Variants in ADAMTSL1 observed in about 807,000 individuals in gnomAD.
The protein encoded by ADAMTSL1 is ADAMTS like 1, also known as ADAMTS-like protein 1.
A neutral mutation model predicts 201.8 loss-of-function variants in ADAMTSL1; 126 were observed. The ratio of observed to expected loss-of-function variants is 0.62; its 90% CI spans 0.54 to 0.72. ADAMTSL1 has a LOEUF of 0.72. Ranked by LOEUF, ADAMTSL1 falls within the 30% of genes least tolerant of loss-of-function variation. The pLI, the probability that ADAMTSL1 is intolerant of heterozygous loss-of-function variation, is 0.00. For synonymous variants in ADAMTSL1, 1,121 were observed against 903.4 expected, an observed-to-expected ratio of 1.24 and a Z score of -4.32; for missense variants, 2,679 against 2,277.8, an observed-to-expected ratio of 1.18 and a Z score of -3.59.
chr9:18,834,734 C>A (rs1825206142), intron 23 of ADAMTSL1, among the ~76,000 whole-genome samples: 1 of 152,046 alleles, frequency 6.6e-6, no homozygotes, highest in Non-Finnish European at 1.5e-5. Context: ...GGACTAATGC[C>A]TTTGGGATAT....
chr9:18,881,340 T>C (rs1241452090), intron 23 of ADAMTSL1, among the ~76,000 whole-genome samples: 3 of 152,218 alleles, frequency 2.0e-5, no homozygotes, highest in Non-Finnish European at 4.4e-5. Flanking sequence ...AAGTGAAAGA[T>C]GTACAACTTT....
intron 1 of ADAMTSL1, among the ~76,000 whole-genome samples, chr9:18,159,794 G>C (rs1015381165): frequency 6.6e-6 from 1 of 152,046 alleles, no homozygotes; most frequent in Non-Finnish European, 1.5e-5. Flanking sequence ...GTTGGTGCCA[G>C]GTTATGAACG....
chr9:17,940,023 G>C (rs981964810), intron 1 of ADAMTSL1, among the ~76,000 whole-genome samples: 1 of 152,038 alleles, frequency 6.6e-6, no homozygotes, highest in African/African-American at 2.4e-5. Flanking sequence ...GCATGAGAAA[G>C]GAGGGTGTAT....
intron 2 of ADAMTSL1, among the ~76,000 whole-genome samples, chr9:18,404,513 G>T (rs1359271356): frequency 6.6e-6 from 1 of 152,196 alleles, no homozygotes; most frequent in African/African-American, 2.4e-5. Flanking sequence ...CCTCTGAGGT[G>T]GTGCCCTGTA....
chr9:18,002,210 G>A (rs1273392641), intron 1 of ADAMTSL1, among the ~76,000 whole-genome samples: 4 of 152,036 alleles, frequency 2.6e-5, no homozygotes, highest in Admixed American at 2.6e-4. Flanking sequence ...TAATCTATAG[G>A]AATCTGTGGG....
intron 1 of ADAMTSL1, among the ~76,000 whole-genome samples, chr9:18,477,812 G>A (rs1587325835): frequency 2.0e-5 from 3 of 152,276 alleles, no homozygotes; most frequent in African/African-American, 7.2e-5. Context: ...TAGTGTTTCA[G>A]TGTGTTCAGG....
intron 2 of ADAMTSL1, among the ~76,000 whole-genome samples, chr9:18,247,323 T>C (rs1030365235): frequency 6.6e-6 from 1 of 152,196 alleles, no homozygotes; most frequent in Admixed American, 6.5e-5. Flanking sequence ...ATAGTAGATA[T>C]CATAATAACT....
intron 20 of ADAMTSL1, among the ~76,000 whole-genome samples, chr9:18,807,559 C>T (rs1197300567): frequency 1.3e-5 from 2 of 150,726 alleles, no homozygotes; most frequent in Non-Finnish European, 3.0e-5. Flanking sequence ...GCGGGAGAAC[C>T]GGCGTGAACC....
intron 1 of ADAMTSL1, among the ~76,000 whole-genome samples, chr9:18,141,721 G>A (rs534898965): frequency 7.6e-4 from 115 of 152,136 alleles, no homozygotes; most frequent in Non-Finnish European, 1.4e-3. Flanking sequence ...ATTCCTCACA[G>A]CATCTCCTGT....
chr9:18,542,558 G>T (rs1820214806), intron 3 of ADAMTSL1, among the ~76,000 whole-genome samples: 1 of 152,150 alleles, frequency 6.6e-6, no homozygotes, highest in African/African-American at 2.4e-5. Flanking sequence ...TTAGGATGCA[G>T]ACACACAGAG....
intron 14 of ADAMTSL1, 106 bp from the exon 15 acceptor site, chr9:18,721,430 C>A: frequency 6.8e-7 from 1 of 1,473,006 alleles, no homozygotes; most frequent in Non-Finnish European, 9.2e-7. Flanking sequence ...CAGCGAGAGT[C>A]CTACAGAACA....
chr9:18,278,517 ACT>A (rs982775618), intron 2 of ADAMTSL1, among the ~76,000 whole-genome samples: 37 of 152,170 alleles, frequency 2.4e-4, no homozygotes, highest in African/African-American at 8.9e-4. Flanking sequence ...TGAAAAATCC[ACT>A]GATAGTCTTA....
chr9:18,361,711 A>C (rs1404130705), intron 2 of ADAMTSL1, among the ~76,000 whole-genome samples: 1 of 152,190 alleles, frequency 6.6e-6, no homozygotes, highest in African/African-American at 2.4e-5. Flanking sequence ...GAAAGACTCT[A>C]GTGCTGGATT....
intron 5 of ADAMTSL1, among the ~76,000 whole-genome samples, chr9:18,626,313 A>G (rs1826357411): frequency 6.6e-6 from 1 of 152,216 alleles, no homozygotes; most frequent in African/African-American, 2.4e-5. Flanking sequence ...CAGGTGATGC[A>G]GGGGAGCTGC....
At chr9:18,520,311 T>C (rs1031045265) in intron 2 of ADAMTSL1, among the ~76,000 whole-genome samples, 2 of 152,234 alleles carry the variant, frequency 1.3e-5, no homozygotes, top group African/African-American at 4.8e-5. Context: ...ACATAATTTC[T>C]ATTTATATCA....
chr9:18,461,767 C>T (rs1820815924), intron 2 of ADAMTSL1, among the ~76,000 whole-genome samples: 1 of 152,056 alleles, frequency 6.6e-6, no homozygotes, highest in South Asian at 2.1e-4. Context: ...GAAAGGAAGT[C>T]GACACAAAGA....
chr9:18,377,655 C>A (rs1212276948), intron 2 of ADAMTSL1, among the ~76,000 whole-genome samples: 2 of 152,124 alleles, frequency 1.3e-5, no homozygotes. Context: ...CTGCAACCTC[C>A]ATTTCCTGGG....
rs73420860 is a variant in ADAMTSL1 at position 18,099,165 on chromosome 9, C to T, written c.88-64697C>T. ...GGTGCCCTTTATATTTGGAGATCCA[C>T]GTTGCTGGATGTAAAAGCTTTGGCT... On this transcript the variant is annotated intron_variant, in intron 1 of 29. Transcript: ENST00000680146. Among the ~76,000 whole-genome samples the T allele has an allele frequency of 4.7e-3, 702 of 148,784 alleles. 5 individuals carry two copies. The highest frequency in any genetic ancestry group is 0.016 in the African/African-American group (652 of 40,504).
chr9:18,832,771 G>T (rs1454542192), intron 23 of ADAMTSL1, among the ~76,000 whole-genome samples: 1 of 152,174 alleles, frequency 6.6e-6, no homozygotes. Context: ...CACCAGCCTT[G>T]TTGTAGCCAG....
Sources: allele counts gnomAD v4.1 joint callset (sites outside exome capture counted in the v4.1 genomes callset), GRCh38; gene constraint gnomAD v4.1.1; transcripts MANE v1.5; gene names NCBI Gene and HGNC (gene_info 2026-07-23, HGNC 2026-07-21).